Variants in TMEM232 observed in about 807,000 individuals in gnomAD.
The protein encoded by TMEM232 is transmembrane protein 232.
Under a neutral mutation model 78.8 loss-of-function variants are expected in TMEM232, and 80 were observed. The observed-to-expected ratio is 1.01, with a 90% CI of 0.85 to 1.22. TMEM232 has a LOEUF of 1.22. Among genes scored for constraint, TMEM232 ranks in the 50% most tolerant of loss-of-function variants. The pLI, the probability that TMEM232 is intolerant of heterozygous loss-of-function variation, is 0.00. For synonymous variants in TMEM232, 297 were observed against 254.3 expected, an observed-to-expected ratio of 1.17 and a Z score of -1.60; for missense variants, 881 against 742.2, an observed-to-expected ratio of 1.19 and a Z score of -2.17.
At chr5:110,395,654 C>A (rs915845007) in intron 3 of TMEM232, among the ~76,000 whole-genome samples, 4 of 152,152 alleles carry the variant, frequency 2.6e-5, no homozygotes, top group African/African-American at 7.2e-5. Context: ...GGGAGTGATA[C>A]TCTTTATAGC....
chr5:110,548,551 T>C (rs76816000), intron 11 of TMEM232, among the ~76,000 whole-genome samples: 6,036 of 151,672 alleles, frequency 0.04, 341 homozygotes, highest in East Asian at 0.26. Context: ...GGTGGAATGG[T>C]ATAATTAAAA....
chr5:110,641,239 G>A (rs1002760303), intron 3 of TMEM232, among the ~76,000 whole-genome samples: 1 of 152,028 alleles, frequency 6.6e-6, no homozygotes, highest in African/African-American at 2.4e-5. Flanking sequence ...GCTATTTGCT[G>A]AAAATAATTC....
At chr5:110,670,770 G>T (rs1033083660) in intron 1 of TMEM232, among the ~76,000 whole-genome samples, 5 of 151,854 alleles carry the variant, frequency 3.3e-5, no homozygotes, top group Non-Finnish European at 7.4e-5. Context: ...AACATCACTG[G>T]GCATTTCTAC....
At chr5:110,624,829 C>T (rs1380004559) in intron 7 of TMEM232, among the ~76,000 whole-genome samples, 1 of 151,998 alleles carries the variant, frequency 6.6e-6, no homozygotes, top group African/African-American at 2.4e-5. Flanking sequence ...ACAGACTCTT[C>T]CTCAAATTTC....
intron 12 of TMEM232, among the ~76,000 whole-genome samples, chr5:110,443,836 C>A (rs999968224): frequency 6.6e-6 from 1 of 152,150 alleles, no homozygotes; most frequent in Admixed American, 6.5e-5. Flanking sequence ...CCTTTCAAGG[C>A]AGTGGAGTGA....
At chr5:110,446,864 A>T (rs536688317) in intron 12 of TMEM232, among the ~76,000 whole-genome samples, 1 of 152,148 alleles carries the variant, frequency 6.6e-6, no homozygotes, top group African/African-American at 2.4e-5. Flanking sequence ...TCATTTAAAT[A>T]TGGTTAAGGA....
Position 110,531,634 on chromosome 5 carries a change from C to G in TMEM232, c.1456-2799G>C, listed in dbSNP as rs1488423945. ...AAAGGAGACATGTTTTATTCGTCTC[C>G]TTTTAGCCCTCCCCCACCTGCCCAG... is the stretch of plus-strand genomic sequence containing the variant. On this transcript the variant is annotated intron_variant, in intron 11 of 13. Coordinates refer to ENST00000455884, the MANE Select transcript of TMEM232 (RefSeq NM_001039763.4). Among the ~76,000 whole-genome samples, 5 of 152,258 alleles carry G rather than the reference C, an allele frequency of 3.3e-5. No homozygotes were observed. In the East Asian group the frequency reaches 9.7e-4, roughly 29 times the overall value.
intron 12 of TMEM232, among the ~76,000 whole-genome samples, chr5:110,476,121 A>G (rs2149385536): frequency 6.6e-6 from 1 of 152,130 alleles, no homozygotes; most frequent in South Asian, 2.1e-4. Context: ...AATTGAAAGG[A>G]AATATTACTA....
intron 7 of TMEM232, among the ~76,000 whole-genome samples, chr5:110,620,651 C>A (rs1256443209): frequency 1.5e-5 from 2 of 136,074 alleles, no homozygotes; most frequent in Admixed American, 1.5e-4. Context: ...TCTCTCCTCT[C>A]TCTCTCTCCT....
At position 110,653,121 on chromosome 5, in the gene TMEM232, C is replaced by T. The variant is rs114328400; in HGVS notation, c.126-10750G>A. On this transcript the variant is annotated intron_variant, in intron 2 of 13. Coordinates refer to ENST00000455884, the MANE Select transcript of TMEM232 (RefSeq NM_001039763.4). ...ATACCATGAGCGCTAGAAGATAAAT[C>T]AGGCCTGGCCTCAGGAAGTTCCCAT... Among the ~76,000 whole-genome samples, 346 of 152,318 alleles carry T rather than the reference C, an allele frequency of 2.3e-3. 1 individual carries two copies. The highest frequency in any genetic ancestry group is 8.1e-3 in the African/African-American group (338 of 41,568).
chr5:110,581,349 G>A (rs928370103), intron 10 of TMEM232, among the ~76,000 whole-genome samples: 2 of 151,432 alleles, frequency 1.3e-5, no homozygotes, highest in African/African-American at 4.8e-5. Flanking sequence ...ATAGAGAACC[G>A]AGAAATGAAG....
At chr5:110,396,245 G>A (rs1755383376) in intron 3 of TMEM232, among the ~76,000 whole-genome samples, 1 of 152,010 alleles carries the variant, frequency 6.6e-6, no homozygotes, top group South Asian at 2.1e-4. Flanking sequence ...AACAGCATGG[G>A]GCAAACCACC....
At chr5:110,529,308 C>T (rs1771080884) in intron 11 of TMEM232, among the ~76,000 whole-genome samples, 1 of 151,840 alleles carries the variant, frequency 6.6e-6, no homozygotes, top group Admixed American at 6.6e-5. Context: ...TGCAGTGGCA[C>T]AATCTTGGCT....
At chr5:110,695,845 G>A (rs1314911686) in intron 1 of TMEM232, among the ~76,000 whole-genome samples, 2 of 152,126 alleles carry the variant, frequency 1.3e-5, no homozygotes, top group African/African-American at 2.4e-5. Context: ...AGGACCAGAT[G>A]GATTCACAGC....
At chr5:110,394,560 G>A (rs1755318840) in intron 3 of TMEM232, among the ~76,000 whole-genome samples, 1 of 152,114 alleles carries the variant, frequency 6.6e-6, no homozygotes, top group South Asian at 2.1e-4. Flanking sequence ...AACAGCTTTT[G>A]TAGACACTTA....
intron 11 of TMEM232, among the ~76,000 whole-genome samples, chr5:110,546,830 ATAT>A (rs1773833421): frequency 6.6e-6 from 1 of 152,128 alleles, no homozygotes. Flanking sequence ...CTACAGGAAA[ATAT>A]TATAAGTTGG....
intron 10 of TMEM232, among the ~76,000 whole-genome samples, chr5:110,585,046 A>G (rs1442472006): frequency 2.6e-5 from 4 of 152,120 alleles, no homozygotes; most frequent in African/African-American, 9.7e-5. Flanking sequence ...CTGGATCTGA[A>G]TGGAATACTT....
intron 12 of TMEM232, among the ~76,000 whole-genome samples, chr5:110,432,364 A>G (rs1416102508): frequency 6.6e-6 from 1 of 151,742 alleles, no homozygotes; most frequent in Admixed American, 6.6e-5. Context: ...CCAGTAAAGA[A>G]TTTCAAATCC....
intron 11 of TMEM232, among the ~76,000 whole-genome samples, chr5:110,549,362 C>T (rs1581175434): frequency 6.6e-6 from 1 of 151,810 alleles, no homozygotes; most frequent in African/African-American, 2.4e-5. Context: ...GGCCTGTAAT[C>T]CCAGTGTTTT....
Sources: gnomAD v4.1 joint callset for allele counts (sites outside exome capture counted in the v4.1 genomes callset) on GRCh38, gnomAD v4.1.1 for gene constraint, MANE v1.5 for transcripts, NCBI Gene and HGNC (gene_info 2026-07-23, HGNC 2026-07-21) for gene names.